The following ZNF704 variants were observed in gnomAD, a reference collection of about 807,000 sequenced individuals.
ZNF704 encodes zinc finger protein 704, also known as glucocorticoid induced gene 1.
In ZNF704, 10 loss-of-function variants were observed where a neutral mutation model predicts 44.7. The ratio of observed to expected loss-of-function variants is 0.22; its 90% CI spans 0.14 to 0.38. The LOEUF (loss-of-function observed/expected upper bound fraction) is 0.38. Ranked by LOEUF, ZNF704 falls within the 10% of genes least tolerant of loss-of-function variation. ZNF704 has a pLI of 1.00. For synonymous variants in ZNF704, 211 were observed against 207.6 expected (o/e 1.02, Z -0.14); for missense variants, 390 against 545.5 (o/e 0.71, Z 2.84).
intron 2 of ZNF704, among the ~76,000 whole-genome samples, chr8:80,708,210 A>C (rs1818926585): frequency 6.6e-6 from 1 of 152,260 alleles, no homozygotes; most frequent in Admixed American, 6.5e-5. Flanking sequence ...TATTTATTGA[A>C]TATCCACAGG....
intron 4 of ZNF704, 34 bp downstream of exon 4, chr8:80,687,192 C>A (rs1243995007): frequency 1.3e-6 from 2 of 1,583,548 alleles, no homozygotes; most frequent in East Asian, 2.2e-5. Context: ...CTTCAGGAAA[C>A]TGAATGCAGA....
chr8:80,760,538 C>A (rs1244350485), intron 2 of ZNF704, among the ~76,000 whole-genome samples: 2 of 151,794 alleles, frequency 1.3e-5, no homozygotes, highest in Admixed American at 1.3e-4. Context: ...CGCCTGTAGT[C>A]CCAGCTACTC....
rs71266093 is a variant in ZNF704, at chr8:80,861,991, C to CTT, written c.-22+12578_-22+12579dup. On this transcript the variant is annotated intron_variant, in intron 1 of 8. Coordinates refer to ENST00000327835, the MANE Select transcript of ZNF704 (RefSeq NM_001033723.3). The stretch of plus-strand genomic sequence containing the variant: ...GTTGAACAAGATAGAAAAAAATAAC[C>CTT]TTTTTTTTTTTTTTTTTTTTTTTTT... 4.6e-3 allele frequency among the ~76,000 whole-genome samples: 428 copies of CTT among 92,990 alleles called. 37 individuals carry two copies. Among genetic ancestry groups the CTT allele is most frequent in the Non-Finnish European group, 6.2e-3 (306 of 49,500 alleles). The allele number at this position is 92,990 out of a possible 152,430, so 61.0% of individuals were successfully genotyped here. A position where few individuals can be genotyped will look rare whatever the true frequency, so the allele number is the denominator to read the frequency against.
chr8:80,678,582 A>G (rs574578897), intron 4 of ZNF704, among the ~76,000 whole-genome samples: 65 of 152,338 alleles, frequency 4.3e-4, no homozygotes, highest in African/African-American at 1.4e-3. Context: ...TTGCAAAGAC[A>G]TATGTATATT....
At chr8:80,731,055 G>A (rs1359953633) in intron 2 of ZNF704, among the ~76,000 whole-genome samples, 4 of 152,176 alleles carry the variant, frequency 2.6e-5, no homozygotes, top group Non-Finnish European at 5.9e-5. Flanking sequence ...TCTGATTTAA[G>A]GTAGTTATAT....
At chr8:80,751,578 AGCT>A (rs1303825607) in intron 2 of ZNF704, among the ~76,000 whole-genome samples, 1 of 152,232 alleles carries the variant, frequency 6.6e-6, no homozygotes, top group African/African-American at 2.4e-5. Flanking sequence ...AATTCCCAGC[AGCT>A]GTTTCTCCTT....
chr8:80,756,997 T>C (rs896481819), intron 2 of ZNF704, among the ~76,000 whole-genome samples: 2 of 152,226 alleles, frequency 1.3e-5, no homozygotes, highest in Non-Finnish European at 2.9e-5. Context: ...TCATGTACCA[T>C]GGTGGTCTTG....
chr8:80,721,136 T>C (rs1819159443), intron 2 of ZNF704, among the ~76,000 whole-genome samples: 1 of 152,208 alleles, frequency 6.6e-6, no homozygotes, highest in Non-Finnish European at 1.5e-5. Context: ...CTCAGCACTG[T>C]CTCCTATGCT....
chr8:80,872,172 C>G (rs891561398), intron 1 of ZNF704, among the ~76,000 whole-genome samples: 2 of 152,208 alleles, frequency 1.3e-5, no homozygotes, highest in African/African-American at 4.8e-5. Flanking sequence ...TCATTTCAAA[C>G]CCAGCTATAT....
intron 1 of ZNF704, among the ~76,000 whole-genome samples, chr8:80,823,370 G>A (rs561221698): frequency 1.5e-4 from 23 of 152,348 alleles, no homozygotes; most frequent in Non-Finnish European, 2.6e-4. Context: ...GCAAGGCTGG[G>A]GGAGGGGCAT....
chr8:80,641,211 CTG>C lies in ZNF704; in HGVS notation c.*153_*154del. ...ATAGGTGGTGACTTAAACAATTTTT[CTG>C]TGTTTTTGCTGTTATTCCTCCAAGG... On this transcript the variant is annotated 3_prime_UTR_variant, in exon 9 of 9. Transcript: ENST00000327835. 8.4e-6 allele frequency: 4 copies of C among 473,714 alleles called. No homozygotes were observed. The highest frequency in any genetic ancestry group is 1.5e-5 in the Non-Finnish European group (4 of 269,462). The allele number at this position is 473,714 out of a possible 1,614,324, so 29.3% of individuals were successfully genotyped here.
intron 2 of ZNF704, among the ~76,000 whole-genome samples, chr8:80,757,444 GA>G (rs1311428006): frequency 6.6e-6 from 1 of 151,332 alleles, no homozygotes; most frequent in Non-Finnish European, 1.5e-5. Flanking sequence ...GTTATTAAAA[GA>G]GTCAAAAAGT....
intron 1 of ZNF704, among the ~76,000 whole-genome samples, chr8:80,851,924 G>T (rs1175124045): frequency 2.0e-5 from 3 of 151,154 alleles, no homozygotes; most frequent in African/African-American, 7.4e-5. Context: ...CTTTTTTCCA[G>T]CTCATCCAGG....
chr8:80,854,937 T>C (rs1808932638), intron 1 of ZNF704, among the ~76,000 whole-genome samples: 1 of 152,238 alleles, frequency 6.6e-6, no homozygotes, highest in Non-Finnish European at 1.5e-5. Flanking sequence ...GATATTTTGA[T>C]ACAGGCATGC....
In ZNF704 at chr8:80,874,227, C is replaced by CCGGCCGGCGGGGACGCCGG. The variant is rs980832347; in HGVS notation, c.-22+325_-22+343dup. Among the ~76,000 whole-genome samples, 4 of 145,508 alleles carry CCGGCCGGCGGGGACGCCGG rather than the reference C, an allele frequency of 2.7e-5. No homozygotes were observed. The highest frequency in any genetic ancestry group is 4.6e-5 in the Non-Finnish European group (3 of 65,616). ...AGGCGCGGGCGCCGCCTTCGCTGGA[C>CCGGCCGGCGGGGACGCCGG]CGGCCGGCGGGGACGCCGGCGGCCG... On this transcript the variant is annotated intron_variant, in intron 1 of 8. Transcript: ENST00000327835. This position sits in a 1 kb window ranked among gnomAD's most constrained non-coding sequence, Gnocchi z 4.4.
intron 2 of ZNF704, among the ~76,000 whole-genome samples, chr8:80,701,000 A>G (rs1260964959): frequency 1.3e-5 from 2 of 152,042 alleles, no homozygotes; most frequent in African/African-American, 2.4e-5. Context: ...CTTCTGACCT[A>G]GAACAGCTTG....
chr8:80,679,094 C>T (rs772839609), intron 4 of ZNF704, among the ~76,000 whole-genome samples: 1 of 152,096 alleles, frequency 6.6e-6, no homozygotes, highest in Non-Finnish European at 1.5e-5. Flanking sequence ...CCTTGTAGAG[C>T]CTCTTAAGGC....
intron 1 of ZNF704, among the ~76,000 whole-genome samples, chr8:80,862,764 CAAAAAAAAAAAA>C (rs71266094): frequency 7.6e-5 from 1 of 13,076 alleles, no homozygotes; most frequent in Non-Finnish European, 1.6e-4. Flanking sequence ...GACTCCGTCT[CAAAAAAAAAAAA>C]AAAAAAAAAA....
chr8:80,671,000 C>T (rs1305053034), intron 4 of ZNF704, among the ~76,000 whole-genome samples: 2 of 152,150 alleles, frequency 1.3e-5, no homozygotes, highest in Non-Finnish European at 2.9e-5. Context: ...TAGAAAGCTC[C>T]ATAAAAAGTG....
Sources: gnomAD v4.1 joint callset for allele counts (sites outside exome capture counted in the v4.1 genomes callset) on GRCh38, gnomAD v4.1.1 for gene constraint, Gnocchi (gnomAD v3.1) non-coding constraint, MANE v1.5 for transcripts, NCBI Gene and HGNC (gene_info 2026-07-23, HGNC 2026-07-21) for gene names.